Variants in CERT1 observed in about 807,000 individuals in gnomAD.
CERT1 encodes the protein ceramide transporter 1, also known as ceramide transfer protein.
In CERT1, 31 loss-of-function variants were observed where a neutral mutation model predicts 87.9. That is an observed-to-expected ratio of 0.35 (90% CI 0.27 to 0.48). The LOEUF (loss-of-function observed/expected upper bound fraction) is 0.48, where lower values mean the gene tolerates loss of function less well. CERT1 is among the 20% of genes least tolerant of loss of function. CERT1 has a pLI of 0.99. For synonymous variants in CERT1, 289 were observed against 250.9 expected, an observed-to-expected ratio of 1.15 and a Z score of -1.44; for missense variants, 487 against 758.0, an observed-to-expected ratio of 0.64 and a Z score of 4.20.
At chr5:75,381,222 G>A in intron 15 of CERT1, 21 bp from the exon 16 acceptor site, 1 of 1,613,706 alleles carries the variant, frequency 6.2e-7, no homozygotes, top group Non-Finnish European at 8.5e-7. Flanking sequence ...AAAAAACAAA[G>A]CATCAGTAGA....
In CERT1 at chr5:75,511,330, G is replaced by C. The variant is rs753522307; in HGVS notation, c.-123C>G. The C allele has an allele frequency of 7.2e-5, 112 of 1,546,930 alleles. No homozygotes were observed. The highest frequency in any genetic ancestry group is 1.7e-4 in the Middle Eastern group (1 of 5,716). ...GCGAAGAGTGCCCGCTCCGGTGTGGGGGGGAGCAGGAGGAGGGACGAAGTC... is the reference window on the plus strand; with the variant it reads ...GCGAAGAGTGCCCGCTCCGGTGTGGCGGGGAGCAGGAGGAGGGACGAAGTC... On this transcript the variant is annotated 5_prime_UTR_variant, in exon 1 of 17. Coordinates refer to ENST00000643780, the MANE Select transcript of CERT1 (RefSeq NM_001379029.1).
At chr5:75,510,835 C>G (rs1263903630) in intron 1 of CERT1, among the ~76,000 whole-genome samples, 3 of 152,190 alleles carry the variant, frequency 2.0e-5, no homozygotes, top group Non-Finnish European at 4.4e-5. Flanking sequence ...GGGACAGCTG[C>G]CGCCCTAAGT....
At chr5:75,411,278 C>T (rs529648204) in intron 7 of CERT1, among the ~76,000 whole-genome samples, 175 bp from the exon 8 acceptor site, 61 of 152,124 alleles carry the variant, frequency 4.0e-4, no homozygotes, top group African/African-American at 1.4e-3. Context: ...TTTCTCTAGG[C>T]TATAAATTAC....
At chr5:75,502,920 T>C (rs1234883484) in intron 2 of CERT1, among the ~76,000 whole-genome samples, 2 of 152,046 alleles carry the variant, frequency 1.3e-5, no homozygotes, top group Non-Finnish European at 2.9e-5. Context: ...ACTGAAGAAT[T>C]CAACTGTCTT....
At chr5:75,453,362 T>C (rs1456510895) in intron 3 of CERT1, among the ~76,000 whole-genome samples, 1 of 152,210 alleles carries the variant, frequency 6.6e-6, no homozygotes, top group East Asian at 1.9e-4. Flanking sequence ...TTAATAAGAA[T>C]ATGTCTGAGT....
chr5:75,404,087 C>T (rs1762607959), intron 8 of CERT1, among the ~76,000 whole-genome samples: 1 of 151,920 alleles, frequency 6.6e-6, no homozygotes, highest in Admixed American at 6.6e-5. Context: ...GAAATCTTCC[C>T]AGTTAAACTC....
At chr5:75,447,449 T>A (rs112520678) in intron 3 of CERT1, among the ~76,000 whole-genome samples, 1 of 145,556 alleles carries the variant, frequency 6.9e-6, no homozygotes, top group African/African-American at 2.7e-5. Flanking sequence ...AAAAAAAATT[T>A]ATTTATTTAT....
At chr5:75,426,561 G>T (rs1217416677) in intron 3 of CERT1, 83 bp from the exon 4 acceptor site, 2 of 975,370 alleles carry the variant, frequency 2.1e-6, no homozygotes, top group South Asian at 1.5e-5. Flanking sequence ...AATTAACAAG[G>T]TTATTATAAC....
chr5:75,509,322 A>G (rs1399227998), intron 1 of CERT1, among the ~76,000 whole-genome samples: 1 of 152,224 alleles, frequency 6.6e-6, no homozygotes, highest in Non-Finnish European at 1.5e-5. Flanking sequence ...TACCATACTC[A>G]GTATGAGTAT....
chr5:75,373,524 C>T (rs1197623524), downstream of CERT1: 1 of 152,150 alleles, frequency 6.6e-6, no homozygotes, highest in East Asian at 1.9e-4. Context: ...TAAAGCTTTT[C>T]ACTTTCTCCA....
intron 2 of CERT1, among the ~76,000 whole-genome samples, chr5:75,487,414 C>T (rs1335455398): frequency 6.6e-6 from 1 of 152,010 alleles, no homozygotes; most frequent in Non-Finnish European, 1.5e-5. Context: ...GAACATTGTA[C>T]TGGTCAAAGA....
intron 5 of CERT1, among the ~76,000 whole-genome samples, chr5:75,423,561 C>T (rs968002186): frequency 2.0e-4 from 31 of 152,196 alleles, no homozygotes; most frequent in African/African-American, 7.0e-4. Context: ...GGCCACATAG[C>T]GAGACCTCAT....
At chr5:75,443,474 G>A (rs1444403723) in intron 3 of CERT1, among the ~76,000 whole-genome samples, 1 of 151,976 alleles carries the variant, frequency 6.6e-6, no homozygotes, top group Non-Finnish European at 1.5e-5. Context: ...CCATGATTCT[G>A]TAAATTTTCC....
intron 3 of CERT1, among the ~76,000 whole-genome samples, chr5:75,447,022 T>A (rs769681785): frequency 2.0e-5 from 3 of 152,168 alleles, no homozygotes; most frequent in Non-Finnish European, 2.9e-5. Context: ...TCCCTAGTAT[T>A]TAGAGGACAG....
intron 2 of CERT1, among the ~76,000 whole-genome samples, chr5:75,490,534 T>C (rs898430587): frequency 1.3e-5 from 2 of 152,112 alleles, no homozygotes; most frequent in Admixed American, 6.5e-5. Context: ...AGTCTCGCTG[T>C]GTCGCCCAGG....
chr5:75,486,905 A>G (rs893504020), intron 2 of CERT1, among the ~76,000 whole-genome samples: 1 of 152,048 alleles, frequency 6.6e-6, no homozygotes, highest in Admixed American at 6.6e-5. Context: ...TGTCCATACT[A>G]CCCAAAACAA....
At position 75,379,283 on chromosome 5, in the gene CERT1, A is replaced by C; in HGVS notation, c.*63T>G. 1 of 1,356,196 alleles carries C rather than the reference A, an allele frequency of 7.4e-7. No homozygotes were observed. Among genetic ancestry groups the C allele is most frequent in the Non-Finnish European group, 1.0e-6 (1 of 972,520 alleles). 84.0% of individuals were successfully genotyped at this position (1,356,196 alleles called of 1,614,324 possible). A position where few individuals can be genotyped will look rare whatever the true frequency, so the allele number is the denominator to read the frequency against. Reference sequence around the variant, plus strand: ...TTTCAACAACTAAATTTTAGTATTGACAGTCATATTAGTCAAATAAAGTTA... The same window carrying C: ...TTTCAACAACTAAATTTTAGTATTGCCAGTCATATTAGTCAAATAAAGTTA... On this transcript the variant is annotated 3_prime_UTR_variant, in exon 17 of 17. Coordinates refer to ENST00000643780, the MANE Select transcript of CERT1 (RefSeq NM_001379029.1).
intron 11 of CERT1, among the ~76,000 whole-genome samples, chr5:75,396,737 A>C (rs1274890120): frequency 1.3e-5 from 2 of 151,312 alleles, no homozygotes. Flanking sequence ...CTCAAAAAAA[A>C]AAAAAAAACA....
intron 3 of CERT1, among the ~76,000 whole-genome samples, chr5:75,438,547 TCTTAATTCCA>T (rs1374964379): frequency 1.3e-5 from 2 of 152,180 alleles, no homozygotes; most frequent in African/African-American, 4.8e-5. Flanking sequence ...ACTGGCTTTT[TCTTAATTCCA>T]CTTACTCTTC....
Sources: gnomAD v4.1 joint callset for allele counts (sites outside exome capture counted in the v4.1 genomes callset) on GRCh38, gnomAD v4.1.1 for gene constraint, MANE v1.5 for transcripts, NCBI Gene and HGNC (gene_info 2026-07-23, HGNC 2026-07-21) for gene names.